SUPT3H: variants seen among roughly 807,000 people sequenced by gnomAD.
SUPT3H encodes the protein SPT3 homolog, SAGA and STAGA complex component.
Under a neutral mutation model 44.3 loss-of-function variants are expected in SUPT3H, and 44 were observed. That is an observed-to-expected ratio of 0.99 (90% CI 0.78 to 1.28). The LOEUF (loss-of-function observed/expected upper bound fraction) is 1.28. Ranked by LOEUF, SUPT3H falls within the 50% of genes most tolerant of loss-of-function variation. SUPT3H has a pLI of 0.00. For synonymous variants in SUPT3H, 124 were observed against 125.6 expected, an observed-to-expected ratio of 0.99 and a Z score of 0.09; for missense variants, 380 against 387.1, an observed-to-expected ratio of 0.98 and a Z score of 0.15.
rs754988415 is a variant in SUPT3H at position 45,020,524 on chromosome 6, C to A, written c.273+22G>T. ...ATTAAACAAAACGTGGATTTTAATACAATAAAATTATGTTATATTACCTTA... is the reference window on the plus strand; with the variant it reads ...ATTAAACAAAACGTGGATTTTAATAAAATAAAATTATGTTATATTACCTTA... On this transcript the variant is annotated intron_variant, in intron 4 of 10. Transcript: ENST00000371459. 8.3e-6 allele frequency: 13 copies of A among 1,573,712 alleles called. No homozygotes were observed. In the South Asian group the frequency reaches 1.5e-4, roughly 18 times the overall value.
chr6:45,174,401 G>A (rs1241526807), intron 2 of SUPT3H, among the ~76,000 whole-genome samples: 3 of 152,124 alleles, frequency 2.0e-5, no homozygotes, highest in Non-Finnish European at 4.4e-5. Context: ...TATGACACAA[G>A]GGTATTTAAG....
At chr6:44,909,146 T>C (rs906434993) in intron 10 of SUPT3H, among the ~76,000 whole-genome samples, 2 of 134,432 alleles carry the variant, frequency 1.5e-5, no homozygotes, top group Non-Finnish European at 3.2e-5. Context: ...TGTGTGCGTG[T>C]GTGTGTGTGT....
intron 6 of SUPT3H, among the ~76,000 whole-genome samples, chr6:45,000,524 C>G (rs1471029538): frequency 6.6e-6 from 1 of 152,066 alleles, no homozygotes; most frequent in Admixed American, 6.6e-5. Context: ...CCATGCCACA[C>G]TTGGGCACAA....
chr6:45,325,139 C>G (rs917409550), intron 2 of SUPT3H, among the ~76,000 whole-genome samples: 1 of 151,760 alleles, frequency 6.6e-6, no homozygotes, highest in Non-Finnish European at 1.5e-5. Flanking sequence ...ATAATCAGAA[C>G]ATTTTAAGCC....
intron 6 of SUPT3H, among the ~76,000 whole-genome samples, chr6:44,972,143 C>A (rs952857614): frequency 1.3e-5 from 2 of 152,168 alleles, no homozygotes; most frequent in Non-Finnish European, 2.9e-5. Context: ...TCATCTGAGA[C>A]AAGACCAGTC....
chr6:45,336,756 A>C (rs1385436895), intron 2 of SUPT3H, among the ~76,000 whole-genome samples: 1 of 151,540 alleles, frequency 6.6e-6, no homozygotes, highest in Non-Finnish European at 1.5e-5. Context: ...GTACAAAAAG[A>C]TAGGAAGTGA....
intron 2 of SUPT3H, among the ~76,000 whole-genome samples, chr6:45,283,097 G>T (rs995231049): frequency 6.6e-6 from 1 of 152,168 alleles, no homozygotes; most frequent in African/African-American, 2.4e-5. Context: ...ACTAAACATG[G>T]AAAGGAACAA....
chr6:45,244,111 T>A (rs9296452), intron 2 of SUPT3H, among the ~76,000 whole-genome samples: 7 of 152,008 alleles, frequency 4.6e-5, no homozygotes, highest in Non-Finnish European at 8.8e-5. Context: ...CTCAAACTCC[T>A]GGGCTCAAGT....
chr6:45,089,949 GA>G (rs1233038102), intron 3 of SUPT3H, among the ~76,000 whole-genome samples: 39 of 152,136 alleles, frequency 2.6e-4, no homozygotes, highest in African/African-American at 8.7e-4. Context: ...CAATGACCTT[GA>G]AAATCTGGTC....
intron 2 of SUPT3H, among the ~76,000 whole-genome samples, chr6:45,257,680 T>A (rs1773641078): frequency 6.6e-6 from 1 of 152,124 alleles, no homozygotes; most frequent in Non-Finnish European, 1.5e-5. Context: ...TGCTGCGGCA[T>A]CCCATAGGTG....
intron 10 of SUPT3H, among the ~76,000 whole-genome samples, chr6:44,881,998 C>A (rs987292528): frequency 5.3e-5 from 8 of 152,048 alleles, no homozygotes; most frequent in Non-Finnish European, 1.0e-4. Flanking sequence ...AGAGCAAACA[C>A]ATTCAAAAGC....
intron 2 of SUPT3H, among the ~76,000 whole-genome samples, chr6:45,330,233 A>G (rs1298005255): frequency 2.0e-5 from 3 of 151,972 alleles, no homozygotes; most frequent in Non-Finnish European, 2.9e-5. Context: ...AATGATGGGT[A>G]CCAAGTATTA....
At chr6:44,989,899 C>T (rs1045716290) in intron 6 of SUPT3H, among the ~76,000 whole-genome samples, 1 of 151,948 alleles carries the variant, frequency 6.6e-6, no homozygotes. Context: ...TGGGTATTAA[C>T]TCCTTATCAG....
chr6:45,125,903 A>G (rs946381621), intron 2 of SUPT3H, among the ~76,000 whole-genome samples: 1 of 152,160 alleles, frequency 6.6e-6, no homozygotes, highest in African/African-American at 2.4e-5. Flanking sequence ...TCTTTACACT[A>G]AAAGTTTCCA....
intron 3 of SUPT3H, among the ~76,000 whole-genome samples, chr6:45,060,033 T>C (rs6933553): frequency 0.41 from 61,560 of 151,920 alleles, 12,872 homozygotes; most frequent in East Asian, 0.71. Context: ...AAGTAATTTA[T>C]GAATTCAATG....
intron 2 of SUPT3H, among the ~76,000 whole-genome samples, chr6:45,364,821 T>C (rs1245452650): frequency 1.3e-5 from 2 of 152,178 alleles, no homozygotes; most frequent in African/African-American, 2.4e-5. Context: ...AACTAAGAAC[T>C]TCCATGTGAA....
At chr6:45,316,215 T>C (rs1784677357) in intron 2 of SUPT3H, among the ~76,000 whole-genome samples, 1 of 152,068 alleles carries the variant, frequency 6.6e-6, no homozygotes, top group Non-Finnish European at 1.5e-5. Flanking sequence ...ACAACAAATA[T>C]GGTGCAGTGT....
At chr6:45,295,605 A>C (rs1424414241) in intron 2 of SUPT3H, among the ~76,000 whole-genome samples, 1 of 151,456 alleles carries the variant, frequency 6.6e-6, no homozygotes, top group Non-Finnish European at 1.5e-5. Flanking sequence ...TTCACAATCT[A>C]TACATCTGAC....
intron 3 of SUPT3H, among the ~76,000 whole-genome samples, chr6:45,073,762 G>T (rs1169712356): frequency 6.6e-6 from 1 of 151,908 alleles, no homozygotes; most frequent in Admixed American, 6.6e-5. Context: ...ACTGAAGTTC[G>T]TTTCTTTACT....
Sources: allele counts gnomAD v4.1 joint callset (sites outside exome capture counted in the v4.1 genomes callset), GRCh38; gene constraint gnomAD v4.1.1; transcripts MANE v1.5; gene names NCBI Gene and HGNC (gene_info 2026-07-23, HGNC 2026-07-21).